Variants in PLEKHG1 observed in about 807,000 individuals in gnomAD.
PLEKHG1 encodes pleckstrin homology domain-containing family G member 1.
In PLEKHG1, 44 loss-of-function variants were observed where a neutral mutation model predicts 100.8. That is an observed-to-expected ratio of 0.44 (90% confidence interval 0.34 to 0.56). PLEKHG1 has a LOEUF of 0.56. Ranked by LOEUF, PLEKHG1 falls within the 20% of genes least tolerant of loss-of-function variation. The pLI, the probability that PLEKHG1 is intolerant of heterozygous loss-of-function variation, is 0.01. For missense variants in PLEKHG1, 1,545 were observed against 1,720.9 expected, an observed-to-expected ratio of 0.90 and a Z score of 1.81; for synonymous variants, 640 against 662.5, an observed-to-expected ratio of 0.97 and a Z score of 0.52.
intron 1 of PLEKHG1, among the ~76,000 whole-genome samples, chr6:150,637,464 C>T (rs1778052847): frequency 6.6e-6 from 1 of 151,796 alleles, no homozygotes; most frequent in Non-Finnish European, 1.5e-5. Flanking sequence ...AGGCTCCTCC[C>T]TTTGAGTAAC....
chr6:150,626,694 G>A (rs1195570031), intron 1 of PLEKHG1, among the ~76,000 whole-genome samples: 8 of 152,150 alleles, frequency 5.3e-5, no homozygotes, highest in African/African-American at 1.7e-4. Flanking sequence ...TTCCATTTCA[G>A]AAGGGCTCAA....
chr6:150,749,033 A>G (rs1783341254), intron 2 of PLEKHG1, among the ~76,000 whole-genome samples: 1 of 152,168 alleles, frequency 6.6e-6, no homozygotes, highest in South Asian at 2.1e-4. Context: ...GTTAATGCAC[A>G]TGAAGTGATT....
intron 3 of PLEKHG1, among the ~76,000 whole-genome samples, chr6:150,688,518 C>T (rs772688596): frequency 6.6e-6 from 1 of 152,088 alleles, no homozygotes; most frequent in Non-Finnish European, 1.5e-5. Flanking sequence ...AACAGGGCTT[C>T]ACCATATTGG....
At chr6:150,705,899 G>A (rs990258453) in intron 3 of PLEKHG1, among the ~76,000 whole-genome samples, 1 of 152,248 alleles carries the variant, frequency 6.6e-6, no homozygotes, top group South Asian at 2.1e-4. Flanking sequence ...CCCTTTCTAG[G>A]AAAAATGCTG....
chr6:150,626,760 C>A (rs1216144797), intron 1 of PLEKHG1, among the ~76,000 whole-genome samples: 1 of 152,132 alleles, frequency 6.6e-6, no homozygotes, highest in East Asian at 1.9e-4. Flanking sequence ...CAATATCCTA[C>A]CAAGAGTTAA....
chr6:150,748,881 C>T (rs1783332149), intron 2 of PLEKHG1, among the ~76,000 whole-genome samples: 1 of 152,108 alleles, frequency 6.6e-6, no homozygotes, highest in Non-Finnish European at 1.5e-5. Context: ...CCCACCTTGG[C>T]CTCCTGAAGT....
intron 4 of PLEKHG1, among the ~76,000 whole-genome samples, chr6:150,789,664 G>A (rs1035370410): frequency 1.3e-5 from 2 of 152,156 alleles, no homozygotes; most frequent in African/African-American, 4.8e-5. Flanking sequence ...TGATCCTACA[G>A]GTCCAAAATT....
chr6:150,744,532 G>A (rs1213263712), intron 2 of PLEKHG1, among the ~76,000 whole-genome samples: 1 of 152,190 alleles, frequency 6.6e-6, no homozygotes, highest in Non-Finnish European at 1.5e-5. Flanking sequence ...CCACATTGTT[G>A]TGGATGCTTT....
chr6:150,801,784 A>G (rs967752700), intron 6 of PLEKHG1, among the ~76,000 whole-genome samples: 1 of 151,962 alleles, frequency 6.6e-6, no homozygotes, highest in African/African-American at 2.4e-5. Context: ...TGCGAATGGA[A>G]AAAAAAAGTA....
chr6:150,674,110 T>C (rs1459208067), intron 3 of PLEKHG1, among the ~76,000 whole-genome samples: 1 of 152,212 alleles, frequency 6.6e-6, no homozygotes, highest in East Asian at 1.9e-4. Context: ...CTATCAGTGT[T>C]TATTAATCCC....
intron 3 of PLEKHG1, among the ~76,000 whole-genome samples, chr6:150,773,359 C>T (rs1334569162): frequency 6.6e-6 from 1 of 152,118 alleles, no homozygotes; most frequent in Non-Finnish European, 1.5e-5. Context: ...TACAGTGAAA[C>T]CCTGTCTCTA....
chr6:150,777,376 C>T (rs1394140303), intron 3 of PLEKHG1, among the ~76,000 whole-genome samples: 6 of 151,484 alleles, frequency 4.0e-5, no homozygotes, highest in African/African-American at 1.5e-4. Context: ...GCACATTACA[C>T]TGATGCAATC....
At chr6:150,623,503 A>G (rs993125090) in intron 1 of PLEKHG1, among the ~76,000 whole-genome samples, 2 of 152,202 alleles carry the variant, frequency 1.3e-5, no homozygotes, top group African/African-American at 2.4e-5. Flanking sequence ...GTAGTTTTCC[A>G]GTGGGAACTC....
upstream of PLEKHG1, among the ~76,000 whole-genome samples, chr6:150,719,596 G>A (rs1328743415): frequency 6.6e-6 from 1 of 152,210 alleles, no homozygotes; most frequent in East Asian, 1.9e-4. Context: ...GTAATGGAAA[G>A]AGCTGTGGGT....
intron 2 of PLEKHG1, among the ~76,000 whole-genome samples, chr6:150,640,957 A>G (rs1778229864): frequency 6.6e-6 from 1 of 152,102 alleles, no homozygotes; most frequent in Non-Finnish European, 1.5e-5. Context: ...GGAGTACTAT[A>G]TGTCAGTTGT....
chr6:150,804,397 ACT>A (rs921361213), intron 6 of PLEKHG1, among the ~76,000 whole-genome samples: 1 of 150,040 alleles, frequency 6.7e-6, no homozygotes, highest in Non-Finnish European at 1.5e-5. Context: ...TGTTGGCCAG[ACT>A]GGTCTCGAAC....
intron 3 of PLEKHG1, among the ~76,000 whole-genome samples, chr6:150,709,979 G>A (rs909226666): frequency 1.3e-5 from 2 of 151,598 alleles, no homozygotes; most frequent in South Asian, 4.2e-4. Flanking sequence ...GTAGAGATGG[G>A]GTCTCACTCT....
At chr6:150,763,059 T>C (rs1203992591) in intron 2 of PLEKHG1, among the ~76,000 whole-genome samples, 4 of 130,310 alleles carry the variant, frequency 3.1e-5, no homozygotes, top group South Asian at 2.3e-4. Context: ...CGGAGTTTTG[T>C]TCTTGTTGCC....
chr6:150,694,712 T>TA (rs1220286497), intron 3 of PLEKHG1, among the ~76,000 whole-genome samples: 3 of 143,710 alleles, frequency 2.1e-5, no homozygotes, highest in African/African-American at 7.8e-5. Context: ...AAAAAAAAAA[T>TA]AAAAATAAAA....
Sources: allele counts gnomAD v4.1 joint callset (sites outside exome capture counted in the v4.1 genomes callset), GRCh38; gene constraint gnomAD v4.1.1; transcripts MANE v1.5; gene names NCBI Gene and HGNC (gene_info 2026-07-23, HGNC 2026-07-21).